NRG1: variants seen among roughly 807,000 people sequenced by gnomAD.
The protein encoded by NRG1 is neuregulin 1.
NRG1 carries 18 observed loss-of-function variants against 63.8 expected under a neutral mutation model. The observed-to-expected ratio is 0.28, with a 90% confidence interval of 0.19 to 0.42. NRG1 has a LOEUF of 0.42. Ranked by LOEUF, NRG1 falls within the 10% of genes least tolerant of loss-of-function variation. The pLI, the probability that NRG1 is intolerant of heterozygous loss-of-function variation, is 1.00. For synonymous variants in NRG1, 302 were observed against 301.3 expected (o/e 1.00, Z -0.02); for missense variants, 762 against 814.7 (o/e 0.94, Z 0.79).
intron 1 of NRG1, among the ~76,000 whole-genome samples, chr8:32,209,712 C>CCTTCCTT (rs1844463236): frequency 1.5e-5 from 2 of 131,896 alleles, no homozygotes; most frequent in Non-Finnish European, 3.2e-5. Flanking sequence ...TTCTCTCTTT[C>CCTTCCTT]CCTTCCTTCC....
At chr8:31,905,528 T>C (rs1832453187) in intron 1 of NRG1, among the ~76,000 whole-genome samples, 1 of 152,230 alleles carries the variant, frequency 6.6e-6, no homozygotes, top group African/African-American at 2.4e-5. Flanking sequence ...ATGGTTCTGT[T>C]CTTAAGTTAT....
chr8:32,216,503 T>G (rs2132436226), intron 1 of NRG1, among the ~76,000 whole-genome samples: 1 of 149,344 alleles, frequency 6.7e-6, no homozygotes, highest in East Asian at 2.0e-4. Context: ...CTGTTTCTCT[T>G]GACAACCTTA....
chr8:32,156,457 T>A (rs1429911020), intron 1 of NRG1, among the ~76,000 whole-genome samples: 6 of 152,246 alleles, frequency 3.9e-5, no homozygotes, highest in Non-Finnish European at 8.8e-5. Context: ...GTGTAAACTC[T>A]ATGATACTAT....
At chr8:31,870,116 G>C (rs1243634734) in intron 1 of NRG1, among the ~76,000 whole-genome samples, 4 of 152,110 alleles carry the variant, frequency 2.6e-5, no homozygotes, top group Non-Finnish European at 4.4e-5. Context: ...GAAGGCATGG[G>C]ATTATCTTCT....
intron 1 of NRG1, among the ~76,000 whole-genome samples, chr8:32,135,803 T>G (rs1835431729): frequency 6.6e-6 from 1 of 151,984 alleles, no homozygotes; most frequent in Non-Finnish European, 1.5e-5. Flanking sequence ...AGGGTCTATA[T>G]GAAATCACCT....
At chr8:32,700,691 T>G (rs1432003072) in intron 5 of NRG1, among the ~76,000 whole-genome samples, 1 of 152,214 alleles carries the variant, frequency 6.6e-6, no homozygotes, top group African/African-American at 2.4e-5. Context: ...GATAAACTAT[T>G]TGATAATGTA....
intron 1 of NRG1, among the ~76,000 whole-genome samples, chr8:31,909,847 C>T (rs1832797018): frequency 6.6e-6 from 1 of 152,174 alleles, no homozygotes; most frequent in South Asian, 2.1e-4. Flanking sequence ...AGCATTTATT[C>T]CCAGTAATGT....
chr8:32,064,027 G>A (rs1400313732), intron 1 of NRG1, among the ~76,000 whole-genome samples: 2 of 151,958 alleles, frequency 1.3e-5, no homozygotes, highest in Admixed American at 6.6e-5. Flanking sequence ...GTCATGGGAC[G>A]AGGGGAGCAA....
At chr8:32,288,901 A>G (rs1853863307) in intron 1 of NRG1, among the ~76,000 whole-genome samples, 1 of 152,172 alleles carries the variant, frequency 6.6e-6, no homozygotes, top group Non-Finnish European at 1.5e-5. Context: ...AGAGGGAAAG[A>G]TCAATATTCA....
chr8:31,857,644 A>G (rs530157479), intron 1 of NRG1, among the ~76,000 whole-genome samples: 2 of 152,302 alleles, frequency 1.3e-5, no homozygotes, highest in South Asian at 2.1e-4. Flanking sequence ...AAGAGCGGGA[A>G]TACATTCTTA....
intron 1 of NRG1, among the ~76,000 whole-genome samples, chr8:32,367,314 T>G (rs1248946217): frequency 6.6e-6 from 1 of 152,220 alleles, no homozygotes; most frequent in Non-Finnish European, 1.5e-5. Flanking sequence ...TATTACTTTC[T>G]GTCTTTTTGA....
intron 1 of NRG1, among the ~76,000 whole-genome samples, chr8:32,110,697 C>T (rs746159229): frequency 6.6e-6 from 1 of 152,228 alleles, no homozygotes; most frequent in South Asian, 2.1e-4. Flanking sequence ...TTGACAGATC[C>T]TTTTGAACTG....
chr8:32,421,400 C>T (rs940026404), intron 1 of NRG1, among the ~76,000 whole-genome samples: 1 of 152,170 alleles, frequency 6.6e-6, no homozygotes, highest in Non-Finnish European at 1.5e-5. Flanking sequence ...CCAACATCTG[C>T]CCTTCTCTGA....
chr8:31,732,485 TTA>T (rs1814191166), intron 1 of NRG1, among the ~76,000 whole-genome samples: 1 of 152,190 alleles, frequency 6.6e-6, no homozygotes, highest in Non-Finnish European at 1.5e-5. Flanking sequence ...TTTAATCTAG[TTA>T]TTTTTTTAAA....
chr8:31,803,574 C>A (rs1284882601), intron 1 of NRG1, among the ~76,000 whole-genome samples: 6 of 152,212 alleles, frequency 3.9e-5, no homozygotes, highest in Non-Finnish European at 7.3e-5. Flanking sequence ...CCACCAAAAT[C>A]CCATGCCTTG....
At chr8:32,368,812 A>G (rs1754309173) in intron 1 of NRG1, among the ~76,000 whole-genome samples, 1 of 152,224 alleles carries the variant, frequency 6.6e-6, no homozygotes, top group Non-Finnish European at 1.5e-5. Context: ...TTAATTTAAA[A>G]AATGATGTAA....
At chr8:32,559,462 C>G (rs1254334720) in intron 1 of NRG1, among the ~76,000 whole-genome samples, 1 of 151,902 alleles carries the variant, frequency 6.6e-6, no homozygotes, top group Non-Finnish European at 1.5e-5. Context: ...TCTGGTCACT[C>G]TAGAAAATAA....
intron 1 of NRG1, among the ~76,000 whole-genome samples, chr8:32,304,440 A>G (rs898149251): frequency 6.6e-6 from 1 of 152,186 alleles, no homozygotes; most frequent in Non-Finnish European, 1.5e-5. Flanking sequence ...TGGGAATAAT[A>G]GTTTGATGAA....
intron 1 of NRG1, among the ~76,000 whole-genome samples, chr8:32,091,401 A>G (rs1387927330): frequency 6.6e-6 from 1 of 152,198 alleles, no homozygotes; most frequent in Non-Finnish European, 1.5e-5. Flanking sequence ...GGAGAGAGAA[A>G]GGGCATTTCT....
Sources: gnomAD v4.1 joint callset for allele counts (sites outside exome capture counted in the v4.1 genomes callset) on GRCh38, gnomAD v4.1.1 for gene constraint, MANE v1.5 for transcripts, NCBI Gene and HGNC (gene_info 2026-07-23, HGNC 2026-07-21) for gene names.